The following LRRTM4 variants were observed in gnomAD, a reference collection of about 807,000 sequenced individuals.
The protein encoded by LRRTM4 is leucine-rich repeat transmembrane neuronal protein 4.
In LRRTM4, 25 loss-of-function variants were observed where a neutral mutation model predicts 47.6. The observed-to-expected ratio is 0.53, with a 90% CI of 0.38 to 0.73. The LOEUF (loss-of-function observed/expected upper bound fraction) is 0.73, where lower values mean the gene tolerates loss of function less well. Among genes scored for constraint, LRRTM4 ranks in the 30% least tolerant of loss-of-function variants. The probability of loss-of-function intolerance (pLI) is 0.00; values close to 1 mark genes in which losing one functional copy is unlikely to be tolerated. For missense variants in LRRTM4, 638 were observed against 713.4 expected (o/e 0.89, Z 1.20); for synonymous variants, 311 against 269.5 (o/e 1.15, Z -1.51).
At chr2:77,168,374 G>C (rs1341922026) in intron 3 of LRRTM4, among the ~76,000 whole-genome samples, 1 of 151,754 alleles carries the variant, frequency 6.6e-6, no homozygotes, top group African/African-American at 2.4e-5. Flanking sequence ...CAAATCCTCT[G>C]CTACTTATTA....
At chr2:76,960,758 A>T (rs2103911712) in intron 3 of LRRTM4, among the ~76,000 whole-genome samples, 1 of 151,712 alleles carries the variant, frequency 6.6e-6, no homozygotes, top group African/African-American at 2.4e-5. Flanking sequence ...TTCCCTAAAT[A>T]AAAACTGTAA....
intron 3 of LRRTM4, among the ~76,000 whole-genome samples, chr2:77,076,402 A>C (rs1239087544): frequency 7.1e-6 from 1 of 140,216 alleles, no homozygotes; most frequent in Non-Finnish European, 1.5e-5. Flanking sequence ...CAAGTTAAAA[A>C]ATGGGATAAC....
intron 3 of LRRTM4, among the ~76,000 whole-genome samples, chr2:76,898,467 C>G: frequency 6.7e-6 from 1 of 149,052 alleles, no homozygotes; most frequent in Middle Eastern, 3.5e-3. Flanking sequence ...GCAGGAGAAT[C>G]GCTTGAACCC....
At chr2:77,231,826 A>T (rs1403914501) in intron 3 of LRRTM4, among the ~76,000 whole-genome samples, 1 of 152,174 alleles carries the variant, frequency 6.6e-6, no homozygotes, top group Non-Finnish European at 1.5e-5. Context: ...CATGACTCTA[A>T]CGTTAGGTAT....
intron 3 of LRRTM4, among the ~76,000 whole-genome samples, chr2:77,016,507 G>A (rs1434141347): frequency 2.0e-5 from 3 of 152,032 alleles, no homozygotes; most frequent in African/African-American, 7.2e-5. Flanking sequence ...TTTTCCATAT[G>A]GTCTGTAAGC....
chr2:76,920,907 A>C (rs1674411997), intron 3 of LRRTM4, among the ~76,000 whole-genome samples: 1 of 152,098 alleles, frequency 6.6e-6, no homozygotes, highest in Non-Finnish European at 1.5e-5. Flanking sequence ...TACAAAATTT[A>C]GAACAGTCTT....
At chr2:77,391,392 A>C (rs77104731) in intron 3 of LRRTM4, among the ~76,000 whole-genome samples, 1 of 151,944 alleles carries the variant, frequency 6.6e-6, no homozygotes, top group South Asian at 2.1e-4. Context: ...CACTGTGTAT[A>C]TTTTATTCAT....
chr2:77,254,322 T>C (rs1675703711), intron 3 of LRRTM4, among the ~76,000 whole-genome samples: 1 of 151,206 alleles, frequency 6.6e-6, no homozygotes, highest in South Asian at 2.1e-4. Flanking sequence ...CCTTCATAAA[T>C]GAGAGGAATA....
chr2:77,438,393 ATTTTTTTTTTTT>A (rs70956631), intron 3 of LRRTM4, among the ~76,000 whole-genome samples: 1,236 of 100,166 alleles, frequency 0.012, 11 homozygotes, highest in East Asian at 0.033. Flanking sequence ...GATCATGATA[ATTTTTTTTTTTT>A]TTTTTTTTTT....
At chr2:76,799,438 G>A (rs1241850932) in intron 3 of LRRTM4, among the ~76,000 whole-genome samples, 2 of 130,746 alleles carry the variant, frequency 1.5e-5, no homozygotes, top group Non-Finnish European at 3.2e-5. Context: ...ATTAGGTATT[G>A]ATGGGACGTA....
intron 3 of LRRTM4, among the ~76,000 whole-genome samples, chr2:76,781,725 A>T (rs939574689): frequency 6.6e-6 from 1 of 150,640 alleles, no homozygotes; most frequent in East Asian, 1.9e-4. Flanking sequence ...TGCGTCGCTC[A>T]CGCTGGGAGC....
At chr2:77,295,433 G>A (rs774969821) in intron 3 of LRRTM4, among the ~76,000 whole-genome samples, 33 of 152,048 alleles carry the variant, frequency 2.2e-4, no homozygotes, top group Non-Finnish European at 4.4e-4. Context: ...TTGTCACCAC[G>A]TTTATGCCCA....
At chr2:77,411,426 C>T (rs4408752) in intron 3 of LRRTM4, among the ~76,000 whole-genome samples, 99,666 of 136,828 alleles carry the variant, frequency 0.73, 36,147 homozygotes, top group Middle Eastern at 0.82. Context: ...TCTTGTTTCT[C>T]TCTCTCTCTC....
intron 3 of LRRTM4, among the ~76,000 whole-genome samples, chr2:77,287,927 A>T (rs1484112951): frequency 6.6e-6 from 1 of 152,136 alleles, no homozygotes; most frequent in African/African-American, 2.4e-5. Context: ...CCATGGATAA[A>T]GGGGCACTAC....
At chr2:76,752,559 A>G (rs72815416) in intron 3 of LRRTM4, among the ~76,000 whole-genome samples, 18,043 of 152,216 alleles carry the variant, frequency 0.12, 1,379 homozygotes, top group Non-Finnish European at 0.17. Context: ...CAGCAGACCA[A>G]TAGCAAGAAT....
At chr2:76,908,942 C>G (rs1018978237) in intron 3 of LRRTM4, among the ~76,000 whole-genome samples, 4 of 152,106 alleles carry the variant, frequency 2.6e-5, no homozygotes, top group African/African-American at 7.2e-5. Context: ...AGATTCAATG[C>G]CATCCCCATC....
intron 3 of LRRTM4, among the ~76,000 whole-genome samples, chr2:76,911,057 A>T (rs976388588): frequency 6.6e-6 from 1 of 152,234 alleles, no homozygotes; most frequent in Non-Finnish European, 1.5e-5. Flanking sequence ...TTGATTCATA[A>T]TAGTTACACA....
intron 3 of LRRTM4, among the ~76,000 whole-genome samples, chr2:77,486,742 A>G (rs1005261231): frequency 6.6e-6 from 1 of 152,222 alleles, no homozygotes; most frequent in Admixed American, 6.5e-5. Flanking sequence ...TGGCCTATGT[A>G]TACTTTTAAC....
intron 3 of LRRTM4, among the ~76,000 whole-genome samples, chr2:77,100,413 T>C (rs1010410479): frequency 1.3e-5 from 2 of 152,174 alleles, no homozygotes; most frequent in African/African-American, 4.8e-5. Context: ...TGGAGCGCAT[T>C]GCCTCCGAGT....
Sources: gnomAD v4.1 joint callset for allele counts (sites outside exome capture counted in the v4.1 genomes callset) on GRCh38, gnomAD v4.1.1 for gene constraint, MANE v1.5 for transcripts, NCBI Gene and HGNC (gene_info 2026-07-23, HGNC 2026-07-21) for gene names.